PHACTR2: variants seen among roughly 807,000 people sequenced by gnomAD.
PHACTR2 encodes chromosome 6 open reading frame 56.
PHACTR2 carries 30 observed loss-of-function variants against 76.0 expected under a neutral mutation model. That is an observed-to-expected ratio of 0.39 (90% CI 0.30 to 0.54). The LOEUF (loss-of-function observed/expected upper bound fraction) is 0.54. Ranked by LOEUF, PHACTR2 falls within the 20% of genes least tolerant of loss-of-function variation. PHACTR2 has a pLI of 0.61. For missense variants in PHACTR2, 696 were observed against 781.1 expected, an observed-to-expected ratio of 0.89 and a Z score of 1.30; for synonymous variants, 292 against 292.5, an observed-to-expected ratio of 1.00 and a Z score of 0.02.
At chr6:143,632,226 G>C (rs1489093188) in intron 1 of PHACTR2, among the ~76,000 whole-genome samples, 4 of 152,112 alleles carry the variant, frequency 2.6e-5, no homozygotes, top group Admixed American at 6.5e-5. Flanking sequence ...CCTAGGGAAG[G>C]CTGCTGCTTT....
intron 6 of PHACTR2, among the ~76,000 whole-genome samples, chr6:143,769,904 C>T (rs903813332): frequency 2.6e-5 from 4 of 152,140 alleles, no homozygotes; most frequent in Non-Finnish European, 4.4e-5. Flanking sequence ...TAGATCTTCT[C>T]TTATTTAAGA....
chr6:143,736,099 A>G (rs75233650), intron 2 of PHACTR2, among the ~76,000 whole-genome samples: 8,099 of 152,028 alleles, frequency 0.053, 350 homozygotes, highest in African/African-American at 0.12. Flanking sequence ...CACAATCATA[A>G]CTCACCTTAA....
At position 143,820,417 on chromosome 6, in the gene PHACTR2, C is replaced by T. The variant is rs530615043; in HGVS notation, c.1923-3257C>T. On this transcript the variant is annotated intron_variant, in intron 12 of 12. Coordinates refer to ENST00000440869, the MANE Select transcript of PHACTR2 (RefSeq NM_001100164.2). This position sits in a 1 kb window ranked among gnomAD's most constrained non-coding sequence, Gnocchi z 4.2. ...TTCCAAGATATGGTGGAGATCTATA[C>T]TGGGTAAACATTCCCGTTCCCAAAG... Among the ~76,000 whole-genome samples the T allele has an allele frequency of 6.6e-6, 1 of 152,204 alleles. No individual in the cohort carries two copies. The highest frequency in any genetic ancestry group is 2.1e-4 in the South Asian group (1 of 4,822).
chr6:143,716,779 T>G (rs1412891867), intron 2 of PHACTR2, among the ~76,000 whole-genome samples: 2 of 152,228 alleles, frequency 1.3e-5, no homozygotes, highest in Non-Finnish European at 2.9e-5. Context: ...CCCAAGATCC[T>G]AAGCCTGTGG....
chr6:143,633,983 T>C lies in PHACTR2; in HGVS notation c.13+25661T>C, dbSNP rs1776408304. The stretch of plus-strand genomic sequence containing the variant: ...TATCATAAAATGACTATGATAATTA[T>C]ATTTTATCCTACTTTTACAAAATAC... On this transcript the variant is annotated intron_variant, in intron 1 of 11. Transcript: ENST00000305766. The surrounding 1 kb of genome is among the most constrained non-coding windows in gnomAD (Gnocchi z 4.1). Among the ~76,000 whole-genome samples the C allele has an allele frequency of 6.6e-6, 1 of 152,224 alleles. No homozygotes were observed. Among genetic ancestry groups the C allele is most frequent in the Non-Finnish European group, 1.5e-5 (1 of 68,024 alleles).
intron 1 of PHACTR2, among the ~76,000 whole-genome samples, chr6:143,685,358 T>C (rs997909911): frequency 2.0e-5 from 3 of 151,930 alleles, no homozygotes; most frequent in African/African-American, 7.2e-5. Flanking sequence ...ATAGTTAATA[T>C]CATTAATGTA....
rs1776395742 is a variant in PHACTR2, at chr6:143,633,233, A to C, written c.13+24911A>C. ...CATTTTGCATTCCCATCAGCAAAGA[A>C]TGAGAGTTCCTGTTGCTCCACGTCT... On this transcript the variant is annotated intron_variant, in intron 1 of 11. Coordinates refer to the PHACTR2 transcript ENST00000305766. The surrounding 1 kb of genome is among the most constrained non-coding windows in gnomAD (Gnocchi z 4.1). 6.6e-6 allele frequency among the ~76,000 whole-genome samples: 1 copy of C among 152,344 alleles called. No individual in the cohort carries two copies. Among genetic ancestry groups the C allele is most frequent in the East Asian group, 1.9e-4 (1 of 5,188 alleles).
intron 1 of PHACTR2, among the ~76,000 whole-genome samples, chr6:143,568,208 C>G (rs1775388938): frequency 6.6e-6 from 1 of 152,158 alleles, no homozygotes; most frequent in Non-Finnish European, 1.5e-5. Flanking sequence ...GTTTTGCCAC[C>G]AACTAGAGAT....
At chr6:143,593,851 A>G (rs144312360) in intron 1 of PHACTR2, among the ~76,000 whole-genome samples, 21 of 152,342 alleles carry the variant, frequency 1.4e-4, no homozygotes, top group African/African-American at 3.1e-4. Context: ...GTGACATTCA[A>G]GTTCTATGAT....
rs1776523440 is a variant in PHACTR2, at chr6:143,639,265, G to A, written c.13+30943G>A. On this transcript the variant is annotated intron_variant, in intron 1 of 11. Coordinates refer to the PHACTR2 transcript ENST00000305766. The surrounding 1 kb of genome is among the most constrained non-coding windows in gnomAD (Gnocchi z 5.0). ...TCTTTCCAAAACAAATTAATGGTAAGATATACCTATAGCAATGTAATGTTG... is the reference window on the plus strand; with the variant it reads ...TCTTTCCAAAACAAATTAATGGTAAAATATACCTATAGCAATGTAATGTTG... Among the ~76,000 whole-genome samples, 1 of 152,164 alleles carries A rather than the reference G, an allele frequency of 6.6e-6. No homozygotes were observed. The highest frequency in any genetic ancestry group is 2.1e-4 in the South Asian group (1 of 4,834).
In PHACTR2 at chr6:143,672,257, C is replaced by T. The variant is rs1035212176; in HGVS notation, c.14-39759C>T. 7.9e-5 allele frequency among the ~76,000 whole-genome samples: 12 copies of T among 151,332 alleles called. No individual in the cohort carries two copies. Among genetic ancestry groups the T allele is most frequent in the Non-Finnish European group, 1.6e-4 (11 of 67,894 alleles). On this transcript the variant is annotated intron_variant, in intron 1 of 11. Coordinates refer to the PHACTR2 transcript ENST00000305766. The surrounding 1 kb of genome is among the most constrained non-coding windows in gnomAD (Gnocchi z 5.8). ...TATTCTTCAAAAAGCTGCAAGCAAG[C>T]CTGGGCAATATAGTGAGACCCTATC...
Position 143,816,233 on chromosome 6 carries a change from A to C in PHACTR2, c.1923-7441A>C, listed in dbSNP as rs1776292717. On this transcript the variant is annotated intron_variant, in intron 12 of 12. Transcript: ENST00000440869. This position sits in a 1 kb window ranked among gnomAD's most constrained non-coding sequence, Gnocchi z 4.5. The stretch of plus-strand genomic sequence containing the variant: ...AAAACTGTCATGCTGTCACATAGAC[A>C]AACTTCTCAAGACGTAAAGCTGAAC... 6.6e-6 allele frequency among the ~76,000 whole-genome samples: 1 copy of C among 152,226 alleles called. No individual in the cohort carries two copies. The highest frequency in any genetic ancestry group is 1.5e-5 in the Non-Finnish European group (1 of 68,036).
chr6:143,609,080 T>C (rs1037203498), intron 1 of PHACTR2, among the ~76,000 whole-genome samples: 1 of 152,218 alleles, frequency 6.6e-6, no homozygotes, highest in Non-Finnish European at 1.5e-5. Flanking sequence ...ATGGATTATC[T>C]GTCTCCTGAA....
chr6:143,594,847 G>C (rs1292254908), intron 1 of PHACTR2, among the ~76,000 whole-genome samples: 2 of 152,228 alleles, frequency 1.3e-5, no homozygotes, highest in African/African-American at 4.8e-5. Flanking sequence ...TCATTAACCA[G>C]GTCAGAATTG....
Position 143,772,383 on chromosome 6 carries a change from ACT to A in PHACTR2, c.1361_1362del (p.Ser454Ter). 6.2e-7 allele frequency: 1 copy of A among 1,614,070 alleles called. No individual in the cohort carries two copies. The highest frequency in any genetic ancestry group is 1.1e-5 in the South Asian group (1 of 91,076). On this transcript the variant is annotated frameshift_variant, in exon 7 of 13. Transcript: ENST00000440869. LOFTEE classifies it high-confidence loss of function. The surrounding 1 kb of genome is among the most constrained non-coding windows in gnomAD (Gnocchi z 5.4). ...GGCCACAGGGAATACCAAGCCAATG[ACT>A]CTGACTCGGACGGGCCTATCTTGTA... is the stretch of plus-strand genomic sequence containing the variant.
At position 143,783,143 on chromosome 6, in the gene PHACTR2, G is replaced by C. The variant is rs753903880; in HGVS notation, c.1646-76G>C. 6 of 812,764 alleles carry C rather than the reference G, an allele frequency of 7.4e-6. No homozygotes were observed. Among genetic ancestry groups the C allele is most frequent in the Non-Finnish European group, 1.3e-5 (6 of 477,146 alleles). 50.3% of individuals were successfully genotyped at this position (812,764 alleles called of 1,614,324 possible). On this transcript the variant is annotated intron_variant, in intron 9 of 12. Coordinates refer to ENST00000440869, the MANE Select transcript of PHACTR2 (RefSeq NM_001100164.2). The surrounding 1 kb of genome is among the most constrained non-coding windows in gnomAD (Gnocchi z 5.2). ...CATTATTTGTTAGAGTCACATGATC[G>C]TGGCCTGATACACTTTTCTGAATAT...
At chr6:143,573,881 A>C (rs1273177418) in intron 1 of PHACTR2, among the ~76,000 whole-genome samples, 4 of 152,214 alleles carry the variant, frequency 2.6e-5, no homozygotes, top group Non-Finnish European at 2.9e-5. Context: ...TGTTTATGGA[A>C]TCGTGAATTT....
At chr6:143,805,341 C>A (rs1382785214) in intron 11 of PHACTR2, among the ~76,000 whole-genome samples, 1 of 151,792 alleles carries the variant, frequency 6.6e-6, no homozygotes, top group East Asian at 1.9e-4. Flanking sequence ...TAGCCAGGCA[C>A]GGTGGTGCAT....
rs747741953 is a variant in PHACTR2, at chr6:143,701,494, C to A, written c.47-10522C>A. The stretch of plus-strand genomic sequence containing the variant: ...AGCAAAACAGTACCTACCCTAACTC[C>A]TTGGATTAGCCCAATAAGTGGCTGG... On this transcript the variant is annotated intron_variant, in intron 1 of 12. Transcript: ENST00000440869. 2.0e-5 allele frequency among the ~76,000 whole-genome samples: 3 copies of A among 152,200 alleles called. No individual in the cohort carries two copies. The South Asian group carries it at 6.2e-4, about 32-fold the overall frequency.
Sources: gnomAD v4.1 joint callset for allele counts (sites outside exome capture counted in the v4.1 genomes callset) on GRCh38, gnomAD v4.1.1 for gene constraint, Gnocchi (gnomAD v3.1) non-coding constraint, MANE v1.5 for transcripts, NCBI Gene and HGNC (gene_info 2026-07-23, HGNC 2026-07-21) for gene names.